Variants in PCDHGB3 observed in about 807,000 individuals in gnomAD.
PCDHGB3 encodes the protein protocadherin gamma subfamily B, 3.
In PCDHGB3, 40 loss-of-function variants were observed where a neutral mutation model predicts 59.2. The observed-to-expected ratio is 0.68, with a 90% CI of 0.52 to 0.88. The LOEUF is 0.88. PCDHGB3 is among the 40% of genes least tolerant of loss of function. PCDHGB3 has a pLI of 0.00. For missense variants in PCDHGB3, 1,309 were observed against 1,187.9 expected (o/e 1.10, Z -1.50); for synonymous variants, 581 against 503.6 (o/e 1.15, Z -2.06).
At chr5:141,378,810 A>G (rs920121754) in intron 1 of PCDHGB3, 1 of 152,256 alleles carries the variant, frequency 6.6e-6, no homozygotes, top group Non-Finnish European at 1.5e-5. Context: ...TGCAAACAGA[A>G]TCATTGTTTC....
rs1350353768 is a variant in PCDHGB3, at chr5:141,476,524, T to A, written c.2416-18283T>A. Reference sequence around the variant, plus strand: ...TCAACGACAACAATCCTGCTTTCCCTACCCAGGAAATGAAATTGGAGATTA... The same window carrying A: ...TCAACGACAACAATCCTGCTTTCCCAACCCAGGAAATGAAATTGGAGATTA... On this transcript the variant is annotated intron_variant, in intron 1 of 3. Coordinates refer to ENST00000576222, the MANE Select transcript of PCDHGB3 (RefSeq NM_018924.5). The surrounding 1 kb of genome is among the most constrained non-coding windows in gnomAD (Gnocchi z 7.6). The A allele has an allele frequency of 1.2e-5, 20 of 1,614,064 alleles. No homozygotes were observed. The highest frequency in any genetic ancestry group is 1.7e-5 in the Non-Finnish European group (20 of 1,180,036).
intron 1 of PCDHGB3, among the ~76,000 whole-genome samples, chr5:141,481,300 GA>G (rs998363845): frequency 3.3e-5 from 5 of 152,248 alleles, no homozygotes; most frequent in African/African-American, 1.2e-4. Context: ...TCATCTAAGG[GA>G]AAAACCTTCC....
intron 2 of PCDHGB3, among the ~76,000 whole-genome samples, chr5:141,501,988 T>C (rs2099812189): frequency 6.6e-6 from 1 of 152,056 alleles, no homozygotes; most frequent in Non-Finnish European, 1.5e-5. Flanking sequence ...GGTCCCGTTG[T>C]CTCCCTGACA....
chr5:141,500,144 C>T (rs2099796717), intron 2 of PCDHGB3, among the ~76,000 whole-genome samples: 1 of 151,426 alleles, frequency 6.6e-6, no homozygotes, highest in South Asian at 2.1e-4. Context: ...CTAAACTTTT[C>T]TTTGTGTAAT....
At chr5:141,505,592 A>G in intron 3 of PCDHGB3, 111 bp downstream of exon 3, 1 of 1,567,266 alleles carries the variant, frequency 6.4e-7, no homozygotes. Context: ...GTTTCTCCAG[A>G]TCTTTCGGCA....
intron 1 of PCDHGB3, chr5:141,427,497 G>C (rs775492626): frequency 1.6e-5 from 9 of 568,020 alleles, no homozygotes; most frequent in African/African-American, 3.7e-5. Flanking sequence ...GCTTGTAACA[G>C]ATGGGACCCT....
chr5:141,418,348 T>G (rs2096249125), intron 1 of PCDHGB3: 1 of 1,613,982 alleles, frequency 6.2e-7, no homozygotes, highest in African/African-American at 1.3e-5. Flanking sequence ...CTGATATTAG[T>G]ATGAATTCGC....
At chr5:141,385,423 A>G in intron 1 of PCDHGB3, 4 of 1,462,490 alleles carry the variant, frequency 2.7e-6, no homozygotes, top group Non-Finnish European at 3.6e-6. Context: ...GATTTAAAAA[A>G]CTTTATAGAG....
At chr5:141,418,641 T>C in intron 1 of PCDHGB3, 3 of 1,614,028 alleles carry the variant, frequency 1.9e-6, no homozygotes, top group Non-Finnish European at 2.5e-6. Flanking sequence ...GGCACCTCCA[T>C]CCTGAGAGTG....
intron 1 of PCDHGB3, among the ~76,000 whole-genome samples, chr5:141,425,040 A>G (rs2096853898): frequency 6.6e-6 from 1 of 152,182 alleles, no homozygotes; most frequent in South Asian, 2.1e-4. Flanking sequence ...TTAGTTGTAA[A>G]CTGACTATCT....
intron 1 of PCDHGB3, chr5:141,418,283 ATCAG>A: frequency 1.9e-6 from 3 of 1,613,996 alleles, no homozygotes; most frequent in Non-Finnish European, 2.5e-6. Context: ...AAACTTAGAA[ATCAG>A]TGAATCCGTC....
intron 1 of PCDHGB3, chr5:141,423,010 G>C: frequency 6.2e-7 from 1 of 1,614,226 alleles, no homozygotes; most frequent in South Asian, 1.1e-5. Context: ...GGTGGTTGCG[G>C]TGGACAAAGA....
intron 1 of PCDHGB3, chr5:141,374,039 G>T (rs187674758): frequency 5.9e-5 from 86 of 1,456,944 alleles, no homozygotes; most frequent in Middle Eastern, 2.5e-4. Context: ...ATGCAGATCT[G>T]TTCTTCCTCT....
intron 1 of PCDHGB3, chr5:141,374,203 G>C: frequency 6.2e-7 from 1 of 1,613,926 alleles, no homozygotes; most frequent in East Asian, 2.2e-5. Context: ...AGGAGCTGGA[G>C]AAAGGCTCCT....
rs775299266 is a variant in PCDHGB3, at chr5:141,432,192, AC to A, written c.2415+59387del. On this transcript the variant is annotated intron_variant, in intron 1 of 3. Transcript: ENST00000576222. The surrounding 1 kb of genome is among the most constrained non-coding windows in gnomAD (Gnocchi z 6.0). ...TCCCTCGTCTCTGTGACCGCCCACG[AC>A]CCCGACTGTGAAGAGAACGCCCAGA... 5 of 1,613,812 alleles carry A rather than the reference AC, an allele frequency of 3.1e-6. No individual in the cohort carries two copies. Among genetic ancestry groups the A allele is most frequent in the Non-Finnish European group, 4.2e-6 (5 of 1,179,996 alleles).
chr5:141,478,127 C>T (rs1323163663), intron 1 of PCDHGB3: 1 of 1,613,988 alleles, frequency 6.2e-7, no homozygotes, highest in Admixed American at 1.7e-5. Flanking sequence ...CGAGGACTCT[C>T]CTGAAGCCCG....
rs549266523 is a variant in PCDHGB3 at position 141,408,917 on chromosome 5, C to A, written c.2415+36108C>A. ...TTCTGTCAAGGATACCAATGATAAC[C>A]CCCCGGTTTTCAGCAGAGACGAATA... On this transcript the variant is annotated intron_variant, in intron 1 of 3. Coordinates refer to ENST00000576222, the MANE Select transcript of PCDHGB3 (RefSeq NM_018924.5). 12 of 1,613,366 alleles carry A rather than the reference C, an allele frequency of 7.4e-6. No homozygotes were observed. In the African/African-American group the frequency reaches 1.6e-4, roughly 22 times the overall value.
rs751345684 is a variant in PCDHGB3 at position 141,398,995 on chromosome 5, C to G, written c.2415+26186C>G. ...CTACAGAACCGGGCAAATCTTTAGT[C>G]TGAATTCAAAGAGCGGAGAAATTAC... On this transcript the variant is annotated intron_variant, in intron 1 of 3. Transcript: ENST00000576222. 2.5e-5 allele frequency: 41 copies of G among 1,613,782 alleles called. No homozygotes were observed. The East Asian group carries it at 8.7e-4, about 34-fold the overall frequency.
At chr5:141,395,379 C>A in intron 1 of PCDHGB3, 1 of 1,139,610 alleles carries the variant, frequency 8.8e-7, no homozygotes, top group Non-Finnish European at 1.2e-6. Flanking sequence ...GGTGGTGTTA[C>A]TATAAAATTG....
Sources: gnomAD v4.1 joint callset for allele counts (sites outside exome capture counted in the v4.1 genomes callset) on GRCh38, gnomAD v4.1.1 for gene constraint, Gnocchi (gnomAD v3.1) non-coding constraint, MANE v1.5 for transcripts, NCBI Gene and HGNC (gene_info 2026-07-23, HGNC 2026-07-21) for gene names.